The following IL12RB1 variants were observed in gnomAD, a reference collection of about 807,000 sequenced individuals.
The protein encoded by IL12RB1 is interleukin-12 receptor subunit beta-1.
A neutral mutation model predicts 94.4 loss-of-function variants in IL12RB1; 64 were observed. The ratio of observed to expected loss-of-function variants is 0.68; its 90% CI spans 0.55 to 0.83. IL12RB1 has a LOEUF of 0.83. Among genes scored for constraint, IL12RB1 ranks in the 40% least tolerant of loss-of-function variants. The pLI, the probability that IL12RB1 is intolerant of heterozygous loss-of-function variation, is 0.00. For synonymous variants in IL12RB1, 362 were observed against 355.5 expected, an observed-to-expected ratio of 1.02 and a Z score of -0.21; for missense variants, 814 against 855.6, an observed-to-expected ratio of 0.95 and a Z score of 0.61.
intron 1 of IL12RB1, among the ~76,000 whole-genome samples, chr19:18,084,853 A>G (rs1473903871): frequency 3.9e-5 from 6 of 152,316 alleles, no homozygotes; most frequent in Non-Finnish European, 2.9e-5. Context: ...AAAGAACAGT[A>G]AGACCAACAG....
intron 2 of IL12RB1, among the ~76,000 whole-genome samples, chr19:18,082,685 C>T (rs536605472): frequency 6.6e-6 from 1 of 152,346 alleles, no homozygotes; most frequent in Admixed American, 6.5e-5. Context: ...TGTGTCCGCA[C>T]ATAGAAGATG....
At chr19:18,066,506 T>C in intron 12 of IL12RB1, 36 bp downstream of exon 12, 1 of 1,515,630 alleles carries the variant, frequency 6.6e-7, no homozygotes. Context: ...GGATCCTCCC[T>C]TCCTCCCCAA....
chr19:18,062,480 C>G (rs1488736215), intron 13 of IL12RB1, among the ~76,000 whole-genome samples: 7 of 152,152 alleles, frequency 4.6e-5, no homozygotes. Flanking sequence ...GTTCAAGACT[C>G]TGTAATTCCA....
intron 1 of IL12RB1, chr19:18,098,735 A>T (rs1211694421): frequency 2.2e-6 from 1 of 456,538 alleles, no homozygotes; most frequent in Non-Finnish European, 4.4e-6. Context: ...CAGGTAGGGA[A>T]CCTGGGATTC....
chr19:18,080,967 C>G lies in IL12RB1; in HGVS notation c.274G>C (p.Gly92Arg). 1.2e-6 allele frequency: 2 copies of G among 1,613,530 alleles called. No homozygotes were observed. The highest frequency in any genetic ancestry group is 1.1e-5 in the South Asian group (1 of 91,054). Residue 92 changes from glycine (G) to arginine (R), a missense_variant, in exon 4 of 17, where the codon GGC becomes CGC. Physicochemically the swap from Gly to Arg is moderately radical, Grantham distance 125 (BLOSUM62 -2). Transcript: ENST00000593993. ...GAGAACTGCAGCCTGGTGGCTGAGC[C>G]GGCGGCGAAGTAGCAGCAGCGCCCG... Reference protein sequence around the residue: ...SSGRCCYFAAGSATRLQFSDQ... With the variant: ...SSGRCCYFAARSATRLQFSDQ...
intron 1 of IL12RB1, among the ~76,000 whole-genome samples, chr19:18,086,264 A>T (rs17878723): frequency 7.2e-6 from 1 of 138,222 alleles, no homozygotes; most frequent in African/African-American, 2.8e-5. Flanking sequence ...AAATAAATAA[A>T]TAAATAAGTA....
intron 10 of IL12RB1, 149 bp downstream of exon 10, chr19:18,069,397 T>C (rs1191355543): frequency 9.0e-6 from 7 of 778,478 alleles, no homozygotes; most frequent in Non-Finnish European, 1.4e-5. Context: ...CCTCACCCTG[T>C]CCCTACCTCT....
rs183514962 is a variant in IL12RB1 at position 18,072,465 on chromosome 19, A to C, written c.784-116T>G. ...TTGGACAAAGGCCACAGCCAATAAC[A>C]TGCATCAAAAATTAAAAGAATAATA... On this transcript the variant is annotated intron_variant, in intron 8 of 16. Coordinates refer to ENST00000593993, the MANE Select transcript of IL12RB1 (RefSeq NM_005535.3). The C allele has an allele frequency of 1.2e-4, 86 of 732,118 alleles. No individual in the cohort carries two copies. The African/African-American group carries it at 1.4e-3, about 12-fold the overall frequency. The allele number at this position is 732,118 out of a possible 1,614,324, so 45.4% of individuals were successfully genotyped here. A position where few individuals can be genotyped will look rare whatever the true frequency, so the allele number is the denominator to read the frequency against.
At chr19:18,088,404 T>TATATATATATATATATATATATATAAAA (rs1038225227), upstream of IL12RB1, among the ~76,000 whole-genome samples, 1 of 137,734 alleles carries the variant, frequency 7.3e-6, no homozygotes, top group African/African-American at 2.8e-5. Context: ...TATATATATA[T>TATATATATATATATATATATATATAAAA]AAATTAAAAG....
intron 3 of IL12RB1, 87 bp downstream of exon 3, chr19:18,082,063 A>G: frequency 1.3e-6 from 1 of 788,052 alleles, no homozygotes; most frequent in Admixed American, 2.0e-5. Context: ...AGCCAAGATC[A>G]CGCATCCGAG....
upstream of IL12RB1, among the ~76,000 whole-genome samples, chr19:18,091,128 C>T (rs991877996): frequency 6.6e-6 from 1 of 151,992 alleles, no homozygotes; most frequent in African/African-American, 2.4e-5. Context: ...GGAGGGGTAC[C>T]CCAGACAAAG....
intron 6 of IL12RB1, 138 bp from the exon 7 acceptor site, chr19:18,076,006 G>A: frequency 1.2e-6 from 1 of 834,988 alleles, no homozygotes. Context: ...GCAGAAGCAG[G>A]CCAGGCCCTG....
chr19:18,079,636 G>A (rs1217263246), intron 4 of IL12RB1, among the ~76,000 whole-genome samples: 4 of 151,828 alleles, frequency 2.6e-5, no homozygotes, highest in South Asian at 2.1e-4. Flanking sequence ...TGGGATGGGC[G>A]CGGTGGCTCA....
rs775529244 is a variant in IL12RB1 at position 18,059,985 on chromosome 19, G to T, written c.1892C>A (p.Pro631His). The T allele has an allele frequency of 1.9e-6, 3 of 1,600,912 alleles. No individual in the cohort carries two copies. The South Asian group carries it at 3.4e-5, about 18-fold the overall frequency. The change falls in exon 16 of 17, where the codon CCT becomes CAT. Residue 631 changes from proline to histidine, a missense_variant. Coordinates refer to ENST00000593993, the MANE Select transcript of IL12RB1 (RefSeq NM_005535.3). ...MSWDKGERTE[P>H]LEKTELPEGA... ...CTCAGGTAGCTCTGTCTTCTCGAGA[G>T]GCTCAGTCCTCTCGCCTTTGTCCCA...
chr19:18,060,249 C>T (rs1160068129), intron 15 of IL12RB1, among the ~76,000 whole-genome samples, 164 bp from the exon 16 acceptor site: 2 of 152,110 alleles, frequency 1.3e-5, no homozygotes, highest in African/African-American at 4.8e-5. Context: ...GAGGCTGAGG[C>T]GGGTGGATCA....
chr19:18,096,027 C>G (rs750905159), intron 1 of IL12RB1, among the ~76,000 whole-genome samples: 4 of 151,690 alleles, frequency 2.6e-5, no homozygotes, highest in Non-Finnish European at 4.4e-5. Flanking sequence ...AGTTCGAGAC[C>G]AGCGCGGGAA....
chr19:18,071,627 A>AAAAC (rs10695405), intron 9 of IL12RB1, among the ~76,000 whole-genome samples: 43,434 of 151,718 alleles, frequency 0.29, 6,377 homozygotes, highest in East Asian at 0.37. Flanking sequence ...TCTCTTAAAA[A>AAAAC]AAACAAACCA....
Position 18,077,553 on chromosome 19 carries a change from T to C in IL12RB1, c.512A>G (p.Gln171Arg). The C allele has an allele frequency of 1.9e-6, 3 of 1,612,568 alleles. No individual in the cohort carries two copies. ...TPDNQVGAEV[Q>R]FRHRTPSSPW... Reference sequence around the variant, plus strand: ...GCTGCTGGGTGTCCGGTGCCGGAACTGCACCTCAGCACCAACCTGGTTATC... The same window carrying C: ...GCTGCTGGGTGTCCGGTGCCGGAACCGCACCTCAGCACCAACCTGGTTATC... The change falls in exon 5 of 17, where the codon CAG (glutamine) becomes CGG (arginine). Residue 171 changes from glutamine to arginine, a missense_variant. By Grantham distance (43) the Gln-to-Arg change is conservative. Coordinates refer to ENST00000593993, the MANE Select transcript of IL12RB1 (RefSeq NM_005535.3).
At position 18,069,067 on chromosome 19, in the gene IL12RB1, C is replaced by T. The variant is rs532772968; in HGVS notation, c.1189+479G>A. 2.6e-5 allele frequency among the ~76,000 whole-genome samples: 4 copies of T among 152,084 alleles called. No homozygotes were observed. The South Asian group carries it at 6.2e-4, about 24-fold the overall frequency. On this transcript the variant is annotated intron_variant, in intron 10 of 16. Coordinates refer to ENST00000593993, the MANE Select transcript of IL12RB1 (RefSeq NM_005535.3). The stretch of plus-strand genomic sequence containing the variant: ...GCCCGGACAATGGGGTCAGGGGTTC[C>T]GTGTCCAGTTCTGTCTCCTCAGGCT...
Sources: allele counts gnomAD v4.1 joint callset (sites outside exome capture counted in the v4.1 genomes callset), GRCh38; gene constraint gnomAD v4.1.1; transcripts MANE v1.5; gene names NCBI Gene and HGNC (gene_info 2026-07-23, HGNC 2026-07-21).